Variants in CNTN1 observed in about 807,000 individuals in gnomAD.
CNTN1 encodes contactin 1, also known as contactin-1.
CNTN1 carries 38 observed loss-of-function variants against 126.4 expected under a neutral mutation model. The observed-to-expected ratio is 0.30, with a 90% CI of 0.23 to 0.39. The LOEUF is 0.39. CNTN1 is among the 10% of genes least tolerant of loss of function. The pLI is 1.00. For missense variants in CNTN1, 1,009 were observed against 1,248.4 expected (o/e 0.81, Z 2.89); for synonymous variants, 413 against 422.6 (o/e 0.98, Z 0.28).
chr12:40,697,707 A>G (rs1267813243), intron 1 of CNTN1, among the ~76,000 whole-genome samples: 2 of 152,168 alleles, frequency 1.3e-5, no homozygotes, highest in African/African-American at 2.4e-5. Flanking sequence ...TATGTATATC[A>G]TATGTATATC....
intron 14 of CNTN1, among the ~76,000 whole-genome samples, chr12:40,953,357 G>A (rs1005550567): frequency 1.3e-5 from 2 of 152,130 alleles, no homozygotes; most frequent in Non-Finnish European, 2.9e-5. Flanking sequence ...TGGCTAGAAT[G>A]TGCTGAGGCC....
chr12:40,734,602 A>G (rs1229907435), intron 1 of CNTN1, among the ~76,000 whole-genome samples: 1 of 152,138 alleles, frequency 6.6e-6, no homozygotes, highest in African/African-American at 2.4e-5. Context: ...GAAAATAGAA[A>G]AAATGATTTT....
rs1436933302 is a variant in CNTN1 at position 41,065,124 on chromosome 12, CCGCT to C, written c.2981-4833_2981-4830del. 3.3e-4 allele frequency among the ~76,000 whole-genome samples: 51 copies of C among 152,248 alleles called. No individual in the cohort carries two copies. The South Asian group carries it at 7.1e-3, about 21-fold the overall frequency. On this transcript the variant is annotated intron_variant, in intron 23 of 23. Coordinates refer to ENST00000551295, the MANE Select transcript of CNTN1 (RefSeq NM_001843.4). ...GGGCTGGAGTGCAGTGGCGCCATCTCCGCTCACTGCAAGCTCTGCCTCCCGGGTT... is the reference window on the plus strand; with the variant it reads ...GGGCTGGAGTGCAGTGGCGCCATCTCCACTGCAAGCTCTGCCTCCCGGGTT...
chr12:40,778,070 T>A (rs897891677), intron 1 of CNTN1, among the ~76,000 whole-genome samples: 2 of 151,822 alleles, frequency 1.3e-5, no homozygotes, highest in South Asian at 4.1e-4. Context: ...GAATATTTAT[T>A]TGAGGTCATT....
chr12:41,016,552 C>G lies in CNTN1; in HGVS notation c.2185-130C>G, dbSNP rs1948785414. ...TATGTTTTTCCTCTGACATTTGGAA[C>G]CAGCACTAATGTATGAACTGTGTAT... is the stretch of plus-strand genomic sequence containing the variant. On this transcript the variant is annotated intron_variant, in intron 18 of 23. Coordinates refer to ENST00000551295, the MANE Select transcript of CNTN1 (RefSeq NM_001843.4). The G allele has an allele frequency of 5.9e-6, 4 of 683,046 alleles. No homozygotes were observed. The South Asian group carries it at 6.6e-5, about 11-fold the overall frequency. The allele number at this position is 683,046 out of a possible 1,614,324, so 42.3% of individuals were successfully genotyped here.
Position 40,944,190 on chromosome 12 carries a change from T to C in CNTN1, c.1683+20T>C. On this transcript the variant is annotated intron_variant, in intron 14 of 23. Coordinates refer to ENST00000551295, the MANE Select transcript of CNTN1 (RefSeq NM_001843.4). ...TTTATGGTATGTGTTTTAAGTTTCATCTTATTAACACCCCAGTGATTCCTA... is the reference window on the plus strand; with the variant it reads ...TTTATGGTATGTGTTTTAAGTTTCACCTTATTAACACCCCAGTGATTCCTA... 6.3e-7 allele frequency: 1 copy of C among 1,580,756 alleles called. No homozygotes were observed. The highest frequency in any genetic ancestry group is 8.7e-7 in the Non-Finnish European group (1 of 1,150,154).
intron 1 of CNTN1, among the ~76,000 whole-genome samples, chr12:40,875,548 A>G (rs1463323324): frequency 6.6e-6 from 1 of 152,156 alleles, no homozygotes; most frequent in South Asian, 2.1e-4. Context: ...GAATTCCATT[A>G]TATAGGATTA....
At chr12:40,909,074 A>G (rs1212243132) in intron 2 of CNTN1, among the ~76,000 whole-genome samples, 2 of 152,184 alleles carry the variant, frequency 1.3e-5, no homozygotes, top group African/African-American at 4.8e-5. Flanking sequence ...AGCTATAAGC[A>G]GATGCAACAC....
intron 17 of CNTN1, among the ~76,000 whole-genome samples, chr12:40,999,290 A>G (rs1948296954): frequency 6.6e-6 from 1 of 152,260 alleles, no homozygotes; most frequent in African/African-American, 2.4e-5. Flanking sequence ...CAGTAAAATT[A>G]TACATGTTAT....
At chr12:40,698,288 T>C (rs767001539) in intron 1 of CNTN1, among the ~76,000 whole-genome samples, 57 of 133,726 alleles carry the variant, frequency 4.3e-4, no homozygotes, top group Non-Finnish European at 7.7e-4. Flanking sequence ...CAGGCTGGAG[T>C]GCAGTGGCGT....
chr12:40,845,716 G>A (rs1184681518), intron 1 of CNTN1, among the ~76,000 whole-genome samples: 1 of 152,158 alleles, frequency 6.6e-6, no homozygotes, highest in Non-Finnish European at 1.5e-5. Context: ...ATGAGATTCA[G>A]GGAGCATCCC....
At chr12:40,979,736 G>C (rs1420352891) in intron 15 of CNTN1, among the ~76,000 whole-genome samples, 1 of 151,744 alleles carries the variant, frequency 6.6e-6, no homozygotes, top group East Asian at 1.9e-4. Context: ...ATTTTTATTT[G>C]TCTTATTTGA....
intron 1 of CNTN1, among the ~76,000 whole-genome samples, chr12:40,804,004 G>A (rs1405563270): frequency 6.6e-6 from 1 of 151,914 alleles, no homozygotes; most frequent in Non-Finnish European, 1.5e-5. Context: ...GTAAAGGAGT[G>A]GTTGAGTGTG....
chr12:41,018,067 G>T (rs1235960827), intron 19 of CNTN1, among the ~76,000 whole-genome samples: 4 of 150,854 alleles, frequency 2.7e-5, no homozygotes, highest in Non-Finnish European at 5.9e-5. Flanking sequence ...TCCAGCCTGG[G>T]CAACAAAAGC....
At chr12:40,698,682 A>G (rs1941515276) in intron 1 of CNTN1, among the ~76,000 whole-genome samples, 2 of 152,160 alleles carry the variant, frequency 1.3e-5, no homozygotes, top group African/African-American at 4.8e-5. Context: ...TTGTCTTTCT[A>G]AAACCAATTT....
At chr12:40,750,301 T>C (rs1938356479) in intron 1 of CNTN1, among the ~76,000 whole-genome samples, 1 of 152,052 alleles carries the variant, frequency 6.6e-6, no homozygotes, top group Admixed American at 6.6e-5. Flanking sequence ...GGGAATATTC[T>C]GGAGCATTGC....
At chr12:41,027,331 T>C (rs1949056920) in intron 21 of CNTN1, among the ~76,000 whole-genome samples, 1 of 151,904 alleles carries the variant, frequency 6.6e-6, no homozygotes, top group African/African-American at 2.4e-5. Flanking sequence ...AAAAGGTACA[T>C]AGATGAAGTC....
intron 6 of CNTN1, among the ~76,000 whole-genome samples, chr12:40,928,587 T>C (rs75378448): frequency 7.4e-4 from 112 of 152,232 alleles, no homozygotes; most frequent in African/African-American, 2.6e-3. Context: ...AATAAACATA[T>C]GCTGCTGCTT....
intron 1 of CNTN1, among the ~76,000 whole-genome samples, chr12:40,904,049 C>G (rs1320445023): frequency 6.6e-6 from 1 of 152,152 alleles, no homozygotes; most frequent in Non-Finnish European, 1.5e-5. Flanking sequence ...GATGGAGTCT[C>G]GCTCTGTCGC....
Sources: allele counts gnomAD v4.1 joint callset (sites outside exome capture counted in the v4.1 genomes callset), GRCh38; gene constraint gnomAD v4.1.1; transcripts MANE v1.5; gene names NCBI Gene and HGNC (gene_info 2026-07-23, HGNC 2026-07-21).